Variants in NUF2 observed in about 807,000 individuals in gnomAD.
NUF2 encodes the protein NUF2 component of NDC80 kinetochore complex.
Under a neutral mutation model 61.8 loss-of-function variants are expected in NUF2, and 34 were observed. The ratio of observed to expected loss-of-function variants is 0.55; its 90% confidence interval spans 0.42 to 0.73. The LOEUF (loss-of-function observed/expected upper bound fraction) is 0.73, where lower values mean the gene tolerates loss of function less well. NUF2 is among the 30% of genes least tolerant of loss of function. The pLI is 0.00. For missense variants in NUF2, 445 were observed against 539.1 expected (o/e 0.83, Z 1.73); for synonymous variants, 172 against 181.6 (o/e 0.95, Z 0.42).
chr1:163,348,825 G>C (rs1404776034), intron 12 of NUF2, 120 bp from the exon 13 acceptor site: 10 of 1,047,706 alleles, frequency 9.5e-6, no homozygotes, highest in African/African-American at 1.6e-5. Flanking sequence ...TATATCTTGA[G>C]AAGAGTTTTA....
At chr1:163,330,997 T>C (rs1571378505) in intron 5 of NUF2, among the ~76,000 whole-genome samples, 1 of 149,972 alleles carries the variant, frequency 6.7e-6, no homozygotes, top group Non-Finnish European at 1.5e-5. Context: ...GAGGACAAAA[T>C]TTTTTTCTAA....
At chr1:163,346,450 T>A (rs1651131321) in intron 11 of NUF2, among the ~76,000 whole-genome samples, 1 of 152,132 alleles carries the variant, frequency 6.6e-6, no homozygotes, top group Non-Finnish European at 1.5e-5. Flanking sequence ...GATCATCTGC[T>A]TCAGGTGATC....
At chr1:163,330,408 G>A (rs987685990) in intron 5 of NUF2, among the ~76,000 whole-genome samples, 2 of 152,052 alleles carry the variant, frequency 1.3e-5, no homozygotes, top group East Asian at 1.9e-4. Flanking sequence ...TTTTGAGCTC[G>A]CTATTCTACT....
chr1:163,350,774 T>C (rs1651290579), intron 13 of NUF2, among the ~76,000 whole-genome samples: 2 of 96,364 alleles, frequency 2.1e-5, no homozygotes, highest in Admixed American at 2.0e-4. Context: ...ATGGGGCCCA[T>C]GAAATGTGTT....
At chr1:163,351,635 A>T (rs1000035427) in intron 13 of NUF2, among the ~76,000 whole-genome samples, 9 of 152,198 alleles carry the variant, frequency 5.9e-5, no homozygotes, top group Non-Finnish European at 8.8e-5. Flanking sequence ...AACTTTGGGT[A>T]CAATTCTTCA....
At chr1:163,327,591 G>A (rs12691496) in intron 3 of NUF2, 29 bp downstream of exon 3, 229,908 of 1,396,678 alleles carry the variant, frequency 0.16, 20,446 homozygotes, top group Non-Finnish European at 0.17. Context: ...AAAATTATGG[G>A]GTTTTTTTTG....
At chr1:163,339,292 T>G in intron 7 of NUF2, 89 bp from the exon 8 acceptor site, 1 of 747,310 alleles carries the variant, frequency 1.3e-6, no homozygotes, top group Non-Finnish European at 2.3e-6. Flanking sequence ...AGTAGACAAT[T>G]TCTTCATCTC....
intron 5 of NUF2, 111 bp from the exon 6 acceptor site, chr1:163,336,640 A>T (rs1650768229): frequency 3.0e-6 from 2 of 670,502 alleles, no homozygotes; most frequent in African/African-American, 3.6e-5. Flanking sequence ...TATCCTATAC[A>T]GTTTTATTTT....
At chr1:163,329,755 A>G (rs1449881273) in intron 5 of NUF2, among the ~76,000 whole-genome samples, 1 of 152,234 alleles carries the variant, frequency 6.6e-6, no homozygotes, top group African/African-American at 2.4e-5. Context: ...TATTCACACA[A>G]AAACTTAAAC....
intron 13 of NUF2, among the ~76,000 whole-genome samples, chr1:163,352,340 G>A (rs1358695018): frequency 6.6e-6 from 1 of 152,146 alleles, no homozygotes; most frequent in Non-Finnish European, 1.5e-5. Context: ...AGATTCTTCT[G>A]CATCAAATAT....
In NUF2 at chr1:163,355,490, T is replaced by C; in HGVS notation, c.*21T>C. ...CCTGATTAACAAAATTACATGTCTT[T>C]TTGTAAATGGCTTGCCATCTTTTAA... On this transcript the variant is annotated 3_prime_UTR_variant, in exon 14 of 14. Coordinates refer to ENST00000271452, the MANE Select transcript of NUF2 (RefSeq NM_145697.3). The C allele has an allele frequency of 6.4e-7, 1 of 1,572,720 alleles. No homozygotes were observed. The highest frequency in any genetic ancestry group is 8.6e-7 in the Non-Finnish European group (1 of 1,161,838).
rs779537895 is a variant in NUF2 at position 163,327,495 on chromosome 1, T to A, written c.131T>A (p.Val44Asp). The A allele has an allele frequency of 2.2e-5, 36 of 1,606,934 alleles. No individual in the cohort carries two copies. The highest frequency in any genetic ancestry group is 2.8e-5 in the Non-Finnish European group (33 of 1,173,944). ...AGTTGTTTTTTGCTGTAGCCTGAAG[T>A]CTTGCACATGATCTACATGAGAGCC... ...NDLYPNPKPEVLHMIYMRALQ... is the reference protein window; with the variant it reads ...NDLYPNPKPEDLHMIYMRALQ... Residue 44 changes from valine (V) to aspartate (D), a missense_variant, in exon 3 of 14, where the codon GTC (valine) becomes GAC (aspartate). Coordinates refer to ENST00000271452, the MANE Select transcript of NUF2 (RefSeq NM_145697.3).
At chr1:163,341,505 G>A (rs1650946124) in intron 9 of NUF2, among the ~76,000 whole-genome samples, 1 of 152,012 alleles carries the variant, frequency 6.6e-6, no homozygotes, top group Non-Finnish European at 1.5e-5. Context: ...ACCACACCAG[G>A]CCAAAAAAAT....
Position 163,328,253 on chromosome 1 carries a change from A to G in NUF2, c.224A>G (p.Tyr75Cys), listed in dbSNP as rs1326442840. The G allele has an allele frequency of 5.0e-6, 8 of 1,608,810 alleles. No individual in the cohort carries two copies. The highest frequency in any genetic ancestry group is 6.8e-6 in the Non-Finnish European group (8 of 1,177,340). Residue 75 changes from tyrosine to cysteine, a missense_variant, in exon 4 of 14, where the codon TAT becomes TGT. By Grantham distance (194) the Tyr-to-Cys change is radical (BLOSUM62 -2). Coordinates refer to ENST00000271452, the MANE Select transcript of NUF2 (RefSeq NM_145697.3). ...YMMPVNSEVMYPHLMEGFLPF... is the reference protein window; with the variant it reads ...YMMPVNSEVMCPHLMEGFLPF... ...ATGCCAGTGAACTCTGAAGTCATGT[A>G]TCCACATTTAATGGAAGGCTTCTTA...
At chr1:163,349,999 TAGAA>T (rs1651257775) in intron 13 of NUF2, among the ~76,000 whole-genome samples, 1 of 151,920 alleles carries the variant, frequency 6.6e-6, no homozygotes, top group African/African-American at 2.4e-5. Context: ...GTATGGCAAT[TAGAA>T]AGACTTAGCA....
chr1:163,328,978 T>TA (rs5778324), intron 5 of NUF2, 71 bp downstream of exon 5: 135,692 of 472,676 alleles, frequency 0.29, 12,483 homozygotes, highest in Admixed American at 0.33. Flanking sequence ...TCAGTAAATG[T>TA]AAAAAAAAAA....
At chr1:163,325,810 G>A (rs1218108835) in intron 1 of NUF2, among the ~76,000 whole-genome samples, 1 of 152,042 alleles carries the variant, frequency 6.6e-6, no homozygotes, top group Non-Finnish European at 1.5e-5. Flanking sequence ...AAAAGAGAAC[G>A]ACACTAGAAA....
At chr1:163,331,410 T>C (rs1365590507) in intron 5 of NUF2, among the ~76,000 whole-genome samples, 2 of 151,962 alleles carry the variant, frequency 1.3e-5, no homozygotes, top group East Asian at 3.8e-4. Context: ...TTTGCTAATA[T>C]TTTATTAAGT....
chr1:163,338,721 C>G (rs1484941374), intron 7 of NUF2, among the ~76,000 whole-genome samples: 2 of 151,976 alleles, frequency 1.3e-5, no homozygotes, highest in Non-Finnish European at 2.9e-5. Context: ...CCAACTAAAT[C>G]AAAACAAGAA....
Sources: gnomAD v4.1 joint callset for allele counts (sites outside exome capture counted in the v4.1 genomes callset) on GRCh38, gnomAD v4.1.1 for gene constraint, MANE v1.5 for transcripts, NCBI Gene and HGNC (gene_info 2026-07-23, HGNC 2026-07-21) for gene names.